RGS7BP: variants seen among roughly 807,000 people sequenced by gnomAD.
RGS7BP encodes the protein regulator of G protein signaling 7 binding protein, also known as regulator of G protein signaling 7-binding protein.
In RGS7BP, 9 loss-of-function variants were observed where a neutral mutation model predicts 31.3. The ratio of observed to expected loss-of-function variants is 0.29; its 90% CI spans 0.17 to 0.50. The LOEUF (loss-of-function observed/expected upper bound fraction) is 0.50, where lower values mean the gene tolerates loss of function less well. Among genes scored for constraint, RGS7BP ranks in the 20% least tolerant of loss-of-function variants. The pLI is 0.98. For missense variants in RGS7BP, 274 were observed against 322.0 expected, an observed-to-expected ratio of 0.85 and a Z score of 1.14; for synonymous variants, 115 against 120.1, an observed-to-expected ratio of 0.96 and a Z score of 0.28.
intron 2 of RGS7BP, among the ~76,000 whole-genome samples, chr5:64,553,594 T>C (rs1280984700): frequency 2.0e-5 from 3 of 152,064 alleles, no homozygotes; most frequent in Admixed American, 2.0e-4. Flanking sequence ...TTTAGTGTAG[T>C]AGAAAGAGCC....
At position 64,506,644 on chromosome 5, in the gene RGS7BP, G is replaced by A; in HGVS notation, c.20G>A (p.Gly7Glu). The change falls in exon 1 of 6, where the codon GGG (glycine) becomes GAG (glutamate). Residue 7 changes from glycine (G) to glutamate (E), a missense_variant. Around this residue, in one of 3 missense-constraint regions of RGS7BP, gnomAD observed 149 missense variants for 152.6 expected, o/e 0.98. Coordinates refer to ENST00000334025, the MANE Select transcript of RGS7BP (RefSeq NM_001029875.3). The surrounding 1 kb of genome is among the most constrained non-coding windows in gnomAD (Gnocchi z 4.6). Reference sequence around the variant, plus strand: ...GTATGCATGAGTTCTGCACCGAATGGGCGCAAAAAGCGCCCCAGCCGGTCC... The same window carrying A: ...GTATGCATGAGTTCTGCACCGAATGAGCGCAAAAAGCGCCCCAGCCGGTCC... The part of the protein sequence containing the change: MSSAPN[G>E]RKKRPSRSTR... The A allele has an allele frequency of 6.2e-7, 1 of 1,611,214 alleles. No individual in the cohort carries two copies. The highest frequency in any genetic ancestry group is 8.5e-7 in the Non-Finnish European group (1 of 1,178,204).
chr5:64,574,883 A>T (rs779471211), intron 2 of RGS7BP, among the ~76,000 whole-genome samples: 1 of 152,230 alleles, frequency 6.6e-6, no homozygotes, highest in Non-Finnish European at 1.5e-5. Flanking sequence ...AAGTAAAGTT[A>T]ACTCATTAAG....
chr5:64,593,155 A>G (rs1010742251), intron 3 of RGS7BP, among the ~76,000 whole-genome samples: 1 of 152,194 alleles, frequency 6.6e-6, no homozygotes, highest in Non-Finnish European at 1.5e-5. Flanking sequence ...TCATGAGTCA[A>G]TGTGTGCATG....
intron 2 of RGS7BP, among the ~76,000 whole-genome samples, chr5:64,574,634 A>G (rs1742375510): frequency 6.6e-6 from 1 of 152,216 alleles, no homozygotes; most frequent in African/African-American, 2.4e-5. Flanking sequence ...TATAAGCCAT[A>G]TGGTTAGATC....
chr5:64,571,849 T>G (rs1039303116), intron 2 of RGS7BP, among the ~76,000 whole-genome samples: 2 of 152,156 alleles, frequency 1.3e-5, no homozygotes, highest in African/African-American at 4.8e-5. Flanking sequence ...GGATTCATCT[T>G]GAACTCTAAA....
At chr5:64,509,197 G>C (rs1186319167) in intron 2 of RGS7BP, among the ~76,000 whole-genome samples, 1 of 151,498 alleles carries the variant, frequency 6.6e-6, no homozygotes, top group South Asian at 2.1e-4. Flanking sequence ...CAAGGAGAGA[G>C]ACAGAAAAAA....
At chr5:64,530,917 G>C (rs1749355367) in intron 2 of RGS7BP, among the ~76,000 whole-genome samples, 1 of 152,166 alleles carries the variant, frequency 6.6e-6, no homozygotes, top group Non-Finnish European at 1.5e-5. Context: ...AAACCAAGGA[G>C]AATGCACAGT....
chr5:64,597,319 A>T (rs1743097815), intron 4 of RGS7BP, among the ~76,000 whole-genome samples: 1 of 151,910 alleles, frequency 6.6e-6, no homozygotes, highest in Non-Finnish European at 1.5e-5. Flanking sequence ...AAGATATTGG[A>T]TGTATGCAGT....
intron 4 of RGS7BP, among the ~76,000 whole-genome samples, chr5:64,597,172 C>A (rs1743092671): frequency 1.3e-5 from 2 of 152,152 alleles, no homozygotes; most frequent in Admixed American, 1.3e-4. Context: ...GCACAACCAT[C>A]TGGACGTGTG....
chr5:64,506,201 C>G lies in RGS7BP; in HGVS notation c.-424C>G, dbSNP rs934151835. On this transcript the variant is annotated 5_prime_UTR_variant, in exon 1 of 6. Coordinates refer to ENST00000334025, the MANE Select transcript of RGS7BP (RefSeq NM_001029875.3). This position sits in a 1 kb window ranked among gnomAD's most constrained non-coding sequence, Gnocchi z 4.6. ...GGAAGACACTGAAGCAAGAGCGACA[C>G]CCCTTTCCGCCCCCCACCTTGCAGC... is the stretch of plus-strand genomic sequence containing the variant. The G allele has an allele frequency of 6.4e-6, 1 of 156,648 alleles. No individual in the cohort carries two copies. Among genetic ancestry groups the G allele is most frequent in the Non-Finnish European group, 1.4e-5 (1 of 71,222 alleles). The allele number at this position is 156,648 out of a possible 1,614,324, so 9.7% of individuals were successfully genotyped here.
At chr5:64,511,986 G>T (rs1420110141) in intron 2 of RGS7BP, among the ~76,000 whole-genome samples, 1 of 152,156 alleles carries the variant, frequency 6.6e-6, no homozygotes, top group Non-Finnish European at 1.5e-5. Context: ...ATGCTCCCTG[G>T]TCTTGTACCT....
At chr5:64,507,905 C>T in intron 2 of RGS7BP, 28 bp downstream of exon 2, 1 of 1,589,228 alleles carries the variant, frequency 6.3e-7, no homozygotes, top group Non-Finnish European at 8.6e-7. Context: ...ATTTGGTAAT[C>T]CATATACATG....
In RGS7BP at chr5:64,595,623, A is replaced by G. The variant is rs1743044416; in HGVS notation, c.611+766A>G. Among the ~76,000 whole-genome samples, 7 of 152,218 alleles carry G rather than the reference A, an allele frequency of 4.6e-5. No individual in the cohort carries two copies. The South Asian group carries it at 1.4e-3, about 32-fold the overall frequency. On this transcript the variant is annotated intron_variant, in intron 4 of 5. Coordinates refer to ENST00000334025, the MANE Select transcript of RGS7BP (RefSeq NM_001029875.3). ...AGGCAGAAAGATAAGCCTCTTGTTTATTTGCCTTTACACTGATATCTGTGC... is the reference window on the plus strand; with the variant it reads ...AGGCAGAAAGATAAGCCTCTTGTTTGTTTGCCTTTACACTGATATCTGTGC...
rs146062456 is a variant in RGS7BP at position 64,547,939 on chromosome 5, A to G, written c.333-27835A>G. On this transcript the variant is annotated intron_variant, in intron 2 of 5. Coordinates refer to ENST00000334025, the MANE Select transcript of RGS7BP (RefSeq NM_001029875.3). Reference sequence around the variant, plus strand: ...TTGGGGAAAAATAATAAAATCAACTATTGACATAAAACTGACTACTGATTC... The same window carrying G: ...TTGGGGAAAAATAATAAAATCAACTGTTGACATAAAACTGACTACTGATTC... Among the ~76,000 whole-genome samples the G allele has an allele frequency of 9.2e-5, 14 of 152,236 alleles. No homozygotes were observed. In the East Asian group the frequency reaches 2.3e-3, roughly 25 times the overall value.
intron 2 of RGS7BP, among the ~76,000 whole-genome samples, chr5:64,568,782 G>GT (rs1554056553): frequency 0.19 from 25,546 of 137,268 alleles, 2,333 homozygotes; most frequent in Admixed American, 0.22. Context: ...GATGGTTATT[G>GT]TTTTTTTTTT....
chr5:64,528,209 G>A (rs1281153975), intron 2 of RGS7BP, among the ~76,000 whole-genome samples: 1 of 152,130 alleles, frequency 6.6e-6, no homozygotes, highest in Non-Finnish European at 1.5e-5. Context: ...GTCCTGGCGG[G>A]GCTGCCCTCA....
At chr5:64,532,428 T>C (rs1479929840) in intron 2 of RGS7BP, among the ~76,000 whole-genome samples, 3 of 152,172 alleles carry the variant, frequency 2.0e-5, no homozygotes, top group African/African-American at 7.2e-5. Context: ...GAATAGGCTT[T>C]AGAAAGAGCA....
At position 64,611,331 on chromosome 5, in the gene RGS7BP, C is replaced by T. The variant is rs1743497119; in HGVS notation, c.*2079C>T. The T allele has an allele frequency of 6.6e-6, 1 of 152,314 alleles. No individual in the cohort carries two copies. The highest frequency in any genetic ancestry group is 2.1e-4 in the South Asian group (1 of 4,832). The allele number at this position is 152,314 out of a possible 1,614,324, so 9.4% of individuals were successfully genotyped here. A position where few individuals can be genotyped will look rare whatever the true frequency, so the allele number is the denominator to read the frequency against. Reference sequence around the variant, plus strand: ...AACTCTAGCTTCAATCTAGTTCCTACTAATCCATGCAAAAGTTATTAACTG... The same window carrying T: ...AACTCTAGCTTCAATCTAGTTCCTATTAATCCATGCAAAAGTTATTAACTG... On this transcript the variant is annotated 3_prime_UTR_variant, in exon 6 of 6. Coordinates refer to ENST00000334025, the MANE Select transcript of RGS7BP (RefSeq NM_001029875.3).
intron 2 of RGS7BP, among the ~76,000 whole-genome samples, chr5:64,533,024 G>T (rs1749411983): frequency 6.6e-6 from 1 of 152,100 alleles, no homozygotes. Flanking sequence ...GCTCACACCA[G>T]GCTGTTGTTA....
Sources: allele counts gnomAD v4.1 joint callset (sites outside exome capture counted in the v4.1 genomes callset), GRCh38; gene constraint gnomAD v4.1.1; regional missense constraint gnomAD v4.1.1; non-coding constraint Gnocchi (gnomAD v3.1); transcripts MANE v1.5; gene names NCBI Gene and HGNC (gene_info 2026-07-23, HGNC 2026-07-21).